The following RPH3A variants were observed in gnomAD, a reference collection of about 807,000 sequenced individuals.
RPH3A encodes rabphilin-3A.
Under a neutral mutation model 102.2 loss-of-function variants are expected in RPH3A, and 48 were observed. That is an observed-to-expected ratio of 0.47 (90% confidence interval 0.37 to 0.60). The LOEUF (loss-of-function observed/expected upper bound fraction) is 0.60. Ranked by LOEUF, RPH3A falls within the 20% of genes least tolerant of loss-of-function variation. The pLI, the probability that RPH3A is intolerant of heterozygous loss-of-function variation, is 0.00. For missense variants in RPH3A, 781 were observed against 910.1 expected (o/e 0.86, Z 1.83); for synonymous variants, 310 against 324.3 (o/e 0.96, Z 0.47).
intron 5 of RPH3A, among the ~76,000 whole-genome samples, 169 bp downstream of exon 5, chr12:112,848,011 G>C (rs770468242): frequency 9.2e-5 from 14 of 152,174 alleles, no homozygotes; most frequent in African/African-American, 3.1e-4. Flanking sequence ...ACTGGCAGAC[G>C]TGGGATCTTT....
chr12:112,687,861 C>G (rs2040277827), intron 1 of RPH3A, among the ~76,000 whole-genome samples: 2 of 152,122 alleles, frequency 1.3e-5, no homozygotes, highest in African/African-American at 4.8e-5. Context: ...GTCCAAAGGC[C>G]CACCCCATTT....
chr12:112,603,593 A>G (rs931348076), intron 1 of RPH3A, among the ~76,000 whole-genome samples: 3 of 152,186 alleles, frequency 2.0e-5, no homozygotes, highest in Non-Finnish European at 2.9e-5. Flanking sequence ...AATTTTCTTA[A>G]TTACTATATT....
At chr12:112,877,491 G>A (rs529855273) in intron 13 of RPH3A, among the ~76,000 whole-genome samples, 1 of 149,498 alleles carries the variant, frequency 6.7e-6, no homozygotes, top group Non-Finnish European at 1.5e-5. Context: ...ACCCTGGTGT[G>A]CCTGGGGCAG....
At chr12:112,837,729 A>G in intron 4 of RPH3A, 1 of 455,960 alleles carries the variant, frequency 2.2e-6, no homozygotes, top group Non-Finnish European at 4.4e-6. Context: ...GATGACAAAT[A>G]TGAACATCAC....
At chr12:112,855,883 G>C (rs2042402012) in intron 5 of RPH3A, among the ~76,000 whole-genome samples, 2 of 152,306 alleles carry the variant, frequency 1.3e-5, no homozygotes, top group South Asian at 4.1e-4. Flanking sequence ...TGTGGTGTGT[G>C]TGTGTGAGAG....
rs573087294 is a variant in RPH3A at position 112,606,450 on chromosome 12, C to T, written c.-140+31131C>T. Among the ~76,000 whole-genome samples the T allele has an allele frequency of 1.1e-4, 16 of 152,140 alleles. No homozygotes were observed. The East Asian group carries it at 2.1e-3, about 20-fold the overall frequency. The stretch of plus-strand genomic sequence containing the variant: ...AGGCTGGAGTGCAGTGGCGCCATCT[C>T]GGCTCACTGTAATCTCTGCCTCCCA... On this transcript the variant is annotated intron_variant, in intron 1 of 21. Transcript: ENST00000543106.
intron 1 of RPH3A, chr12:112,649,293 C>T (rs1442795224): frequency 6.6e-6 from 1 of 152,218 alleles, no homozygotes. Context: ...TGCCCTGGCA[C>T]ATTTTTATTT....
intron 1 of RPH3A, among the ~76,000 whole-genome samples, chr12:112,647,736 GC>G (rs2039941955): frequency 1.3e-5 from 2 of 152,202 alleles, no homozygotes; most frequent in Admixed American, 1.3e-4. Flanking sequence ...GCAGGGAACA[GC>G]TTTTCCAGGC....
intron 11 of RPH3A, among the ~76,000 whole-genome samples, 187 bp downstream of exon 11, chr12:112,875,357 AGGAGGAGGCAG>A (rs1168319772): frequency 2.6e-5 from 4 of 152,088 alleles, no homozygotes; most frequent in African/African-American, 9.7e-5. Flanking sequence ...AGGGAGTGGG[AGGAGGAGGCAG>A]GGAGCATCTT....
At chr12:112,813,708 T>A (rs1369240816) in intron 2 of RPH3A, among the ~76,000 whole-genome samples, 1 of 151,792 alleles carries the variant, frequency 6.6e-6, no homozygotes, top group Non-Finnish European at 1.5e-5. Flanking sequence ...GTGTTACTTT[T>A]TGCTGCAACC....
intron 1 of RPH3A, among the ~76,000 whole-genome samples, chr12:112,740,074 A>G (rs2040698301): frequency 6.6e-6 from 1 of 152,154 alleles, no homozygotes; most frequent in Non-Finnish European, 1.5e-5. Context: ...CTCTGTCGTA[A>G]ATACTTGAAA....
rs2040156413 is a variant in RPH3A, at chr12:112,674,262, T to C, written c.-140+98943T>C. 3.9e-5 allele frequency among the ~76,000 whole-genome samples: 6 copies of C among 152,266 alleles called. No homozygotes were observed. In the South Asian group the frequency reaches 1.2e-3, roughly 32 times the overall value. ...TTGTAGAGATGGGGTCTTGCTGTGT[T>C]GCTCAGGCTGGCATTTTTATATAGC... On this transcript the variant is annotated intron_variant, in intron 1 of 21. Transcript: ENST00000543106.
chr12:112,648,837 TGAGACA>T, intron 1 of RPH3A, among the ~76,000 whole-genome samples: 1 of 152,162 alleles, frequency 6.6e-6, no homozygotes, highest in East Asian at 1.9e-4. Context: ...TTATTTATTT[TGAGACA>T]GAGTCTCACT....
chr12:112,719,668 T>C (rs1592961644), intron 1 of RPH3A, among the ~76,000 whole-genome samples: 1 of 136,000 alleles, frequency 7.4e-6, no homozygotes, highest in East Asian at 2.2e-4. Context: ...ACAGCCTCTT[T>C]GGGATAGGCA....
chr12:112,785,223 C>G (rs550651580), intron 1 of RPH3A, among the ~76,000 whole-genome samples: 2 of 64,282 alleles, frequency 3.1e-5, no homozygotes, highest in African/African-American at 9.8e-5. Context: ...ACTCCCATCT[C>G]AAAAAAGAAA....
At chr12:112,690,919 G>A (rs1037704786) in intron 1 of RPH3A, among the ~76,000 whole-genome samples, 1 of 152,104 alleles carries the variant, frequency 6.6e-6, no homozygotes, top group Non-Finnish European at 1.5e-5. Context: ...GGAAAGGAGA[G>A]GGTAATTGTA....
intron 1 of RPH3A, among the ~76,000 whole-genome samples, chr12:112,752,905 G>T (rs548309319): frequency 6.6e-6 from 1 of 150,468 alleles, no homozygotes; most frequent in South Asian, 2.1e-4. Context: ...CCATCATTGA[G>T]ACTGTATGAT....
intron 1 of RPH3A, among the ~76,000 whole-genome samples, chr12:112,735,840 A>C (rs2040665600): frequency 6.6e-6 from 1 of 152,104 alleles, no homozygotes; most frequent in Non-Finnish European, 1.5e-5. Context: ...TAGAGGATGA[A>C]ATTTAGGCTG....
intron 1 of RPH3A, among the ~76,000 whole-genome samples, chr12:112,778,883 T>C (rs1165574560): frequency 1.3e-5 from 2 of 152,106 alleles, no homozygotes; most frequent in Non-Finnish European, 2.9e-5. Context: ...GGGGATGAGA[T>C]AGATGAATTA....
Sources: gnomAD v4.1 joint callset for allele counts (sites outside exome capture counted in the v4.1 genomes callset) on GRCh38, gnomAD v4.1.1 for gene constraint, MANE v1.5 for transcripts, NCBI Gene and HGNC (gene_info 2026-07-23, HGNC 2026-07-21) for gene names.